Variants in CLEC16A observed in about 807,000 individuals in gnomAD.
CLEC16A encodes the protein protein CLEC16A.
Under a neutral mutation model 109.5 loss-of-function variants are expected in CLEC16A, and 51 were observed. That is an observed-to-expected ratio of 0.47 (90% CI 0.37 to 0.59). The LOEUF is 0.59. CLEC16A is among the 20% of genes least tolerant of loss of function. CLEC16A has a pLI of 0.00. For missense variants in CLEC16A, 1,339 were observed against 1,394.0 expected, an observed-to-expected ratio of 0.96 and a Z score of 0.63; for synonymous variants, 673 against 564.2, an observed-to-expected ratio of 1.19 and a Z score of -2.73.
At chr16:10,970,991 C>T (rs1053599581) in intron 4 of CLEC16A, 134 bp from the exon 5 acceptor site, 11 of 624,780 alleles carry the variant, frequency 1.8e-5, no homozygotes, top group Middle Eastern at 6.1e-4. Context: ...CACTGACTTA[C>T]GGTTCACATT....
At chr16:11,012,614 A>C (rs1340957550) in intron 11 of CLEC16A, among the ~76,000 whole-genome samples, 1 of 148,494 alleles carries the variant, frequency 6.7e-6, no homozygotes, top group African/African-American at 2.6e-5. Flanking sequence ...AAAAAAAAAA[A>C]AAAAAAAGAA....
At position 11,009,962 on chromosome 16, in the gene CLEC16A, A is replaced by G. The variant is rs539308839; in HGVS notation, c.1303+6657A>G. On this transcript the variant is annotated intron_variant, in intron 11 of 23. Coordinates refer to ENST00000409790, the MANE Select transcript of CLEC16A (RefSeq NM_015226.3). ...TGAGCCCAGAAGTTCAAGACCAGCC[A>G]GGCAACATAGGGAGACCCCTGTCTG... is the stretch of plus-strand genomic sequence containing the variant. 5.8e-3 allele frequency among the ~76,000 whole-genome samples: 890 copies of G among 152,240 alleles called. 13 individuals are homozygous for G. The highest frequency in any genetic ancestry group is 0.02 in the African/African-American group (840 of 41,524).
At chr16:10,948,110 G>C (rs536223264) in intron 1 of CLEC16A, among the ~76,000 whole-genome samples, 5 of 152,090 alleles carry the variant, frequency 3.3e-5, no homozygotes, top group African/African-American at 1.2e-4. Flanking sequence ...AGCCAGGATG[G>C]TCTCGATCTC....
At chr16:10,970,518 G>T (rs1013366621) in intron 4 of CLEC16A, among the ~76,000 whole-genome samples, 2 of 152,332 alleles carry the variant, frequency 1.3e-5, no homozygotes, top group Middle Eastern at 6.8e-3. Context: ...AGAAGTGGTA[G>T]AATGGGTAAT....
chr16:10,973,772 T>C (rs1296390243), intron 7 of CLEC16A, among the ~76,000 whole-genome samples: 1 of 151,780 alleles, frequency 6.6e-6, no homozygotes, highest in Non-Finnish European at 1.5e-5. Context: ...GGTTTCGTCA[T>C]GTTGCCCAGG....
At chr16:11,047,735 A>G (rs1296655526) in intron 17 of CLEC16A, 2 of 154,630 alleles carry the variant, frequency 1.3e-5, no homozygotes, top group Admixed American at 6.5e-5. Flanking sequence ...GTCTCTTCTC[A>G]TACTGCTACG....
At chr16:11,166,256 G>A in intron 22 of CLEC16A, 132 bp from the exon 23 acceptor site, 4 of 980,064 alleles carry the variant, frequency 4.1e-6, no homozygotes, top group East Asian at 2.9e-5. Flanking sequence ...CGACCAGTGA[G>A]GTCAGCCTGT....
intron 19 of CLEC16A, among the ~76,000 whole-genome samples, chr16:11,092,361 AACACACACACACACACACAC>A (rs3030566): frequency 2.3e-5 from 3 of 132,434 alleles, no homozygotes; most frequent in African/African-American, 5.6e-5. Context: ...AACAAAAACA[AACACACACACACACACACAC>A]ACACACACAC....
chr16:11,155,144 T>A (rs1172344948), intron 22 of CLEC16A, among the ~76,000 whole-genome samples: 1 of 151,706 alleles, frequency 6.6e-6, no homozygotes, highest in Non-Finnish European at 1.5e-5. Context: ...GAGAAGAAAA[T>A]CCCAGTTATT....
At chr16:11,137,611 A>C (rs1476851728) in intron 22 of CLEC16A, among the ~76,000 whole-genome samples, 1 of 148,092 alleles carries the variant, frequency 6.8e-6, no homozygotes, top group Non-Finnish European at 1.5e-5. Flanking sequence ...AAAAAAAAAA[A>C]GTGAAATGCC....
chr16:10,998,762 C>G (rs566889888), intron 10 of CLEC16A, among the ~76,000 whole-genome samples: 1 of 152,140 alleles, frequency 6.6e-6, no homozygotes, highest in Non-Finnish European at 1.5e-5. Context: ...GCAGCCTGTC[C>G]GCCCCTGCTC....
chr16:11,044,151 T>G, intron 16 of CLEC16A, 79 bp downstream of exon 16: 2 of 1,236,864 alleles, frequency 1.6e-6, no homozygotes, highest in South Asian at 1.6e-5. Flanking sequence ...TCTATGCAGA[T>G]AAACGTTATA....
At chr16:11,001,412 A>T (rs148596179) in intron 10 of CLEC16A, among the ~76,000 whole-genome samples, 1 of 152,214 alleles carries the variant, frequency 6.6e-6, no homozygotes, top group Non-Finnish European at 1.5e-5. Flanking sequence ...TTAAATGTAG[A>T]ATTAAGTTTT....
At chr16:11,011,086 A>G (rs748405190) in intron 11 of CLEC16A, among the ~76,000 whole-genome samples, 5 of 152,152 alleles carry the variant, frequency 3.3e-5, no homozygotes, top group Non-Finnish European at 5.9e-5. Context: ...CAGTTTCTGT[A>G]TTGTGTAATG....
intron 14 of CLEC16A, chr16:11,041,259 G>A (rs959083670): frequency 1.3e-5 from 2 of 152,228 alleles, no homozygotes; most frequent in Admixed American, 1.3e-4. Flanking sequence ...CCTATATAAA[G>A]TGTTCGGCAC....
chr16:11,178,923 G>A lies in CLEC16A; in HGVS notation c.*233G>A, dbSNP rs960766447. The A allele has an allele frequency of 6.2e-6, 3 of 481,334 alleles. No individual in the cohort carries two copies. The highest frequency in any genetic ancestry group is 4.0e-5 in the South Asian group (1 of 25,060). 29.8% of individuals were successfully genotyped at this position (481,334 alleles called of 1,614,324 possible). Reference sequence around the variant, plus strand: ...CTGGGACCAGCGGAGACACCGCGGCGAATGCAGATGACTGCACCGGCCACT... The same window carrying A: ...CTGGGACCAGCGGAGACACCGCGGCAAATGCAGATGACTGCACCGGCCACT... On this transcript the variant is annotated 3_prime_UTR_variant, in exon 24 of 24. Transcript: ENST00000409790. The surrounding 1 kb of genome is among the most constrained non-coding windows in gnomAD (Gnocchi z 6.5).
intron 22 of CLEC16A, among the ~76,000 whole-genome samples, chr16:11,129,483 ACTC>A (rs2053048479): frequency 6.6e-6 from 1 of 151,682 alleles, no homozygotes; most frequent in Non-Finnish European, 1.5e-5. Flanking sequence ...CCTCTGGAAA[ACTC>A]CTCAGTACAC....
At position 10,954,175 on chromosome 16, in the gene CLEC16A, G is replaced by A. The variant is rs1022249237; in HGVS notation, c.81-3607G>A. Among the ~76,000 whole-genome samples, 2 of 152,124 alleles carry A rather than the reference G, an allele frequency of 1.3e-5. No individual in the cohort carries two copies. The highest frequency in any genetic ancestry group is 2.9e-5 in the Non-Finnish European group (2 of 68,022). ...GTATTGAGAGGCCAAGAAACAAATG[G>A]AGTTCTCAGACCTTTCTTCCTGGCC... On this transcript the variant is annotated intron_variant, in intron 1 of 23. Transcript: ENST00000409790. The surrounding 1 kb of genome is among the most constrained non-coding windows in gnomAD (Gnocchi z 4.2).
chr16:11,058,198 A>T (rs2048306138), intron 18 of CLEC16A, among the ~76,000 whole-genome samples: 1 of 152,154 alleles, frequency 6.6e-6, no homozygotes, highest in African/African-American at 2.4e-5. Flanking sequence ...ATGGCTTCTC[A>T]TGTGTCCTTC....
Sources: allele counts gnomAD v4.1 joint callset (sites outside exome capture counted in the v4.1 genomes callset), GRCh38; gene constraint gnomAD v4.1.1; non-coding constraint Gnocchi (gnomAD v3.1); transcripts MANE v1.5; gene names NCBI Gene and HGNC (gene_info 2026-07-23, HGNC 2026-07-21).